Variants in TTC17 observed in about 807,000 individuals in gnomAD.
TTC17 encodes tetratricopeptide repeat domain 17.
A neutral mutation model predicts 143.8 loss-of-function variants in TTC17; 58 were observed. That is an observed-to-expected ratio of 0.40 (90% confidence interval 0.33 to 0.50). The LOEUF is 0.50. Ranked by LOEUF, TTC17 falls within the 20% of genes least tolerant of loss-of-function variation. TTC17 has a pLI of 0.49. For synonymous variants in TTC17, 501 were observed against 497.8 expected, an observed-to-expected ratio of 1.01 and a Z score of -0.09; for missense variants, 1,273 against 1,392.5, an observed-to-expected ratio of 0.91 and a Z score of 1.37.
chr11:43,426,498 A>T (rs1947030991), intron 16 of TTC17, among the ~76,000 whole-genome samples: 1 of 152,244 alleles, frequency 6.6e-6, no homozygotes, highest in Non-Finnish European at 1.5e-5. Context: ...TTGAGGCAGG[A>T]TCTGCAATCA....
intron 16 of TTC17, among the ~76,000 whole-genome samples, chr11:43,424,437 A>C (rs1946978234): frequency 6.7e-6 from 1 of 149,556 alleles, no homozygotes. Flanking sequence ...TAGAACACAA[A>C]TGAGGAAAGC....
intron 16 of TTC17, among the ~76,000 whole-genome samples, chr11:43,426,920 G>T (rs766973350): frequency 6.6e-6 from 1 of 152,172 alleles, no homozygotes; most frequent in Admixed American, 6.5e-5. Flanking sequence ...TGCTCTCAAG[G>T]AGCTAGGAGA....
intron 2 of TTC17, among the ~76,000 whole-genome samples, chr11:43,384,160 A>C (rs1431024959): frequency 6.6e-6 from 1 of 151,988 alleles, no homozygotes. Flanking sequence ...AAAAAAAAGA[A>C]ATCTATAGTT....
At chr11:43,373,620 G>A (rs1265927073) in intron 1 of TTC17, among the ~76,000 whole-genome samples, 10 of 152,088 alleles carry the variant, frequency 6.6e-5, no homozygotes, top group Admixed American at 2.0e-4. Flanking sequence ...ACCACACGCG[G>A]CCCTAAAAGA....
intron 15 of TTC17, among the ~76,000 whole-genome samples, chr11:43,409,097 A>G (rs1038933612): frequency 3.9e-5 from 6 of 152,162 alleles, no homozygotes; most frequent in Admixed American, 2.0e-4. Context: ...ATTTTTCCTT[A>G]TAAGCATGTC....
At chr11:43,441,699 CCAG>C (rs1947425591) in intron 16 of TTC17, among the ~76,000 whole-genome samples, 1 of 152,134 alleles carries the variant, frequency 6.6e-6, no homozygotes, top group African/African-American at 2.4e-5. Context: ...CGCCCCAACC[CCAG>C]CAGCCTTTAG....
chr11:43,375,330 G>T lies in TTC17; in HGVS notation c.160-3903G>T, dbSNP rs147216650. On this transcript the variant is annotated intron_variant, in intron 1 of 23. Transcript: ENST00000039989. ...AGCAAGTGAGGTGCTTTTGCCACAG[G>T]GGGGACTTATGGATATTGGATAGCA... is the stretch of plus-strand genomic sequence containing the variant. 3.3e-5 allele frequency among the ~76,000 whole-genome samples: 5 copies of T among 152,096 alleles called. No homozygotes were observed. The South Asian group carries it at 6.2e-4, about 19-fold the overall frequency.
At chr11:43,455,316 C>G (rs1947742586) in intron 21 of TTC17, among the ~76,000 whole-genome samples, 1 of 151,654 alleles carries the variant, frequency 6.6e-6, no homozygotes, top group Non-Finnish European at 1.5e-5. Context: ...AAGATATAAA[C>G]ACCCAAAACC....
chr11:43,444,718 T>TAC (rs1347466173), intron 18 of TTC17, among the ~76,000 whole-genome samples: 5 of 91,098 alleles, frequency 5.5e-5, no homozygotes, highest in South Asian at 3.5e-4. Flanking sequence ...GTTCACCAAA[T>TAC]ACATACACAC....
At chr11:43,373,519 T>C (rs1449319554) in intron 1 of TTC17, among the ~76,000 whole-genome samples, 1 of 151,966 alleles carries the variant, frequency 6.6e-6, no homozygotes, top group Non-Finnish European at 1.5e-5. Context: ...GAGATGAGGT[T>C]TCACCGTGTT....
chr11:43,439,496 C>G (rs1947367717), intron 16 of TTC17, among the ~76,000 whole-genome samples: 1 of 139,840 alleles, frequency 7.2e-6, no homozygotes, highest in Non-Finnish European at 1.5e-5. Context: ...GAGATGGAGT[C>G]TTGCTGTGTC....
Position 43,401,463 on chromosome 11 carries a change from C to T in TTC17, c.1237C>T (p.Arg413Ter), listed in dbSNP as rs1857852192. 6.2e-7 allele frequency: 1 copy of T among 1,611,390 alleles called. No homozygotes were observed. Among genetic ancestry groups the T allele is most frequent in the South Asian group, 1.1e-5 (1 of 90,442 alleles). ...EAQLGNHQIC[R>*]LVNQQHSLHC... ...TATTCCAGGAAATCATCAGATATGC[C>T]GACTGGTCAACCAGCAGCATAGTTT... The change falls in exon 10 of 24, where the codon CGA becomes TGA. Residue 413 changes from arginine to a stop codon, truncating the protein, a stop_gained. Coordinates refer to ENST00000039989, the MANE Select transcript of TTC17 (RefSeq NM_018259.6). LOFTEE classifies it high-confidence loss of function.
At chr11:43,359,492 G>A (rs1428195205) in intron 1 of TTC17, among the ~76,000 whole-genome samples, 1 of 152,198 alleles carries the variant, frequency 6.6e-6, no homozygotes, top group Non-Finnish European at 1.5e-5. Flanking sequence ...CCCTCCCCGA[G>A]GAAATAGAAA....
intron 21 of TTC17, among the ~76,000 whole-genome samples, chr11:43,488,233 A>G (rs1948413122): frequency 6.6e-6 from 1 of 152,200 alleles, no homozygotes; most frequent in Non-Finnish European, 1.5e-5. Flanking sequence ...AAGGTGAGGC[A>G]TAGAGTGATA....
intron 1 of TTC17, among the ~76,000 whole-genome samples, chr11:43,372,257 T>A (rs1368498373): frequency 1.3e-5 from 2 of 151,986 alleles, no homozygotes; most frequent in Non-Finnish European, 2.9e-5. Flanking sequence ...CTAACGGTTT[T>A]CTTTCTGTTA....
intron 16 of TTC17, among the ~76,000 whole-genome samples, chr11:43,418,942 CTT>C (rs1403633080): frequency 1.3e-5 from 2 of 152,058 alleles, no homozygotes; most frequent in East Asian, 1.9e-4. Context: ...TCTAGGCTGT[CTT>C]ATATCTTTGA....
chr11:43,413,101 T>TA (rs1220919875), intron 15 of TTC17, among the ~76,000 whole-genome samples: 1 of 151,496 alleles, frequency 6.6e-6, no homozygotes, highest in Non-Finnish European at 1.5e-5. Context: ...TTACTATAAT[T>TA]AAAAGAGTAT....
chr11:43,389,789 C>T lies in TTC17; in HGVS notation c.387C>T (p.Gly129=), dbSNP rs1857308418. Residue 129 remains glycine, a synonymous_variant, in exon 3 of 24, where the codon GGC becomes GGT. Transcript: ENST00000039989. ...TAGGGGACCTGGATCTATATGATGG[C>T]ACATACATAACTTTGGAGAGCAAAG... The part of the protein sequence containing the change: ...VPLGDLDLYD[G]TYITLESKDI... 1.9e-6 allele frequency: 3 copies of T among 1,612,138 alleles called. No homozygotes were observed. The highest frequency in any genetic ancestry group is 2.5e-6 in the Non-Finnish European group (3 of 1,179,454).
chr11:43,381,684 C>G (rs1170355155), intron 2 of TTC17, among the ~76,000 whole-genome samples: 1 of 152,138 alleles, frequency 6.6e-6, no homozygotes, highest in South Asian at 2.1e-4. Flanking sequence ...GATAGGAACT[C>G]GAAACCAAAA....
Sources: gnomAD v4.1 joint callset for allele counts (sites outside exome capture counted in the v4.1 genomes callset) on GRCh38, gnomAD v4.1.1 for gene constraint, MANE v1.5 for transcripts, NCBI Gene and HGNC (gene_info 2026-07-23, HGNC 2026-07-21) for gene names.